Variants in ASPSCR1 observed in about 807,000 individuals in gnomAD.
ASPSCR1 encodes the protein ASPSCR1 tether for SLC2A4, UBX domain containing.
ASPSCR1 carries 55 observed loss-of-function variants against 68.9 expected under a neutral mutation model. That is an observed-to-expected ratio of 0.80 (90% CI 0.64 to 1.00). ASPSCR1 has a LOEUF of 1.00. ASPSCR1 is among the 50% of genes least tolerant of loss of function. ASPSCR1 has a pLI of 0.00. For missense variants in ASPSCR1, 765 were observed against 762.2 expected, an observed-to-expected ratio of 1.00 and a Z score of -0.04; for synonymous variants, 352 against 332.6, an observed-to-expected ratio of 1.06 and a Z score of -0.63.
At chr17:82,008,434 A>AC (rs1338628816) in intron 7 of ASPSCR1, 1 of 152,260 alleles carries the variant, frequency 6.6e-6, no homozygotes, top group Non-Finnish European at 1.5e-5. Context: ...TGTCCCACGT[A>AC]CCCCAGCACT....
intron 7 of ASPSCR1, among the ~76,000 whole-genome samples, chr17:82,003,669 G>A (rs988122125): frequency 6.6e-6 from 1 of 152,252 alleles, no homozygotes; most frequent in Non-Finnish European, 1.5e-5. Flanking sequence ...TAAAATTTGG[G>A]CATGGAGTTT....
At chr17:82,014,957 T>G in intron 12 of ASPSCR1, 351 of 1,229,658 alleles carry the variant, frequency 2.9e-4, no homozygotes, top group Non-Finnish European at 3.3e-4. Context: ...AGGGGCAGCC[T>G]GAGACATCCT....
intron 12 of ASPSCR1, chr17:82,014,393 C>G (rs1037834885): frequency 1.3e-5 from 2 of 153,242 alleles, no homozygotes; most frequent in African/African-American, 4.8e-5. Context: ...CTCCTGCAGC[C>G]CCCACTCCCG....
intron 4 of ASPSCR1, among the ~76,000 whole-genome samples, chr17:81,993,253 G>A (rs1351406672): frequency 6.6e-6 from 1 of 151,936 alleles, no homozygotes; most frequent in Non-Finnish European, 1.5e-5. Flanking sequence ...TCGCTCTGTC[G>A]CCCAGGCTGG....
chr17:81,979,126 A>G, intron 1 of ASPSCR1, 58 bp from the exon 2 acceptor site: 2 of 1,588,522 alleles, frequency 1.3e-6, no homozygotes, highest in Admixed American at 3.3e-5. Context: ...GACCTGGCCC[A>G]CTGCGCCCGC....
rs2042465942 is a variant in ASPSCR1, at chr17:81,999,710, T to C, written c.933+2864T>C. Among the ~76,000 whole-genome samples the C allele has an allele frequency of 6.6e-6, 1 of 151,636 alleles. No homozygotes were observed. ...CCGGCCTCGGCTGTCCCCTGGGCACTCGTGCTACGTGTCCCGGAACTCAGG... is the reference window on the plus strand; with the variant it reads ...CCGGCCTCGGCTGTCCCCTGGGCACCCGTGCTACGTGTCCCGGAACTCAGG... On this transcript the variant is annotated intron_variant, in intron 7 of 15. Coordinates refer to ENST00000306739, the MANE Select transcript of ASPSCR1 (RefSeq NM_024083.4). This position sits in a 1 kb window ranked among gnomAD's most constrained non-coding sequence, Gnocchi z 4.4.
chr17:81,983,173 G>T lies in ASPSCR1; in HGVS notation c.159-381G>T, dbSNP rs563334890. Among the ~76,000 whole-genome samples the T allele has an allele frequency of 6.6e-6, 1 of 152,202 alleles. No homozygotes were observed. Among genetic ancestry groups the T allele is most frequent in the African/African-American group, 2.4e-5 (1 of 41,456 alleles). On this transcript the variant is annotated intron_variant, in intron 2 of 15. Transcript: ENST00000306739. The surrounding 1 kb of genome is among the most constrained non-coding windows in gnomAD (Gnocchi z 4.4). Reference sequence around the variant, plus strand: ...CAGGTTTTCTGTGGTGGCTCCAGCCGTGACGGCCGGGGTCTGTGACACTCC... The same window carrying T: ...CAGGTTTTCTGTGGTGGCTCCAGCCTTGACGGCCGGGGTCTGTGACACTCC...
chr17:81,990,973 A>C lies in ASPSCR1; in HGVS notation c.375-3848A>C, dbSNP rs566308172. On this transcript the variant is annotated intron_variant, in intron 4 of 15. Coordinates refer to ENST00000306739, the MANE Select transcript of ASPSCR1 (RefSeq NM_024083.4). This position sits in a 1 kb window ranked among gnomAD's most constrained non-coding sequence, Gnocchi z 4.1. ...ACGTCCCGTAAGGACCTAGTTGCCA[A>C]GTGGTGAAAGGCAGGGGTGTGGATG... Among the ~76,000 whole-genome samples, 5 of 152,162 alleles carry C rather than the reference A, an allele frequency of 3.3e-5. No individual in the cohort carries two copies. The highest frequency in any genetic ancestry group is 1.2e-4 in the African/African-American group (5 of 41,516).
intron 4 of ASPSCR1, among the ~76,000 whole-genome samples, chr17:81,993,435 G>C (rs567174391): frequency 2.6e-5 from 4 of 152,218 alleles, no homozygotes; most frequent in African/African-American, 4.8e-5. Flanking sequence ...GGATGGTCTC[G>C]ATCTCCTGAC....
intron 10 of ASPSCR1, 144 bp from the exon 11 acceptor site, chr17:82,011,399 C>T: frequency 3.8e-6 from 3 of 795,350 alleles, no homozygotes; most frequent in South Asian, 1.8e-5. Flanking sequence ...CGCCGAGCAC[C>T]TGGAGTGCTG....
At chr17:82,014,640 G>C (rs191065718) in intron 12 of ASPSCR1, 1 of 184,116 alleles carries the variant, frequency 5.4e-6, no homozygotes, top group Admixed American at 5.4e-5. Context: ...AGCTGCAAGG[G>C]CTCCTCTCTT....
intron 7 of ASPSCR1, among the ~76,000 whole-genome samples, chr17:82,001,928 G>A (rs866418592): frequency 2.6e-5 from 4 of 152,054 alleles, no homozygotes; most frequent in Non-Finnish European, 5.9e-5. Flanking sequence ...AGCTCCAGAC[G>A]GGCTCATGGT....
chr17:81,998,180 A>G (rs548589437), intron 7 of ASPSCR1, among the ~76,000 whole-genome samples: 1 of 152,286 alleles, frequency 6.6e-6, no homozygotes, highest in South Asian at 2.1e-4. Context: ...TCTGTTGCCC[A>G]GGCTGGTCTC....
intron 7 of ASPSCR1, among the ~76,000 whole-genome samples, chr17:82,004,145 C>T (rs1456045817): frequency 2.0e-5 from 3 of 152,248 alleles, no homozygotes; most frequent in Non-Finnish European, 2.9e-5. Context: ...GTGTCCCGGC[C>T]TGTGTGCATG....
chr17:82,009,685 G>T (rs1220761784), intron 9 of ASPSCR1, 118 bp downstream of exon 9: 10 of 777,588 alleles, frequency 1.3e-5, no homozygotes, highest in Non-Finnish European at 2.0e-5. Context: ...TGTGAGGTCT[G>T]TGGACAGGAC....
chr17:81,981,622 G>A (rs1385834475), intron 2 of ASPSCR1, among the ~76,000 whole-genome samples: 1 of 152,116 alleles, frequency 6.6e-6, no homozygotes, highest in Non-Finnish European at 1.5e-5. Context: ...CAGGTGATCT[G>A]CCCGCCTTGG....
intron 8 of ASPSCR1, 97 bp downstream of exon 8, chr17:82,009,288 C>G: frequency 2.7e-6 from 4 of 1,459,952 alleles, no homozygotes; most frequent in Non-Finnish European, 2.7e-6. Context: ...GCACTGGCTC[C>G]CGGCCCAGGT....
At chr17:81,994,953 C>T (rs780398862) in intron 5 of ASPSCR1, 75 bp downstream of exon 5, 49 of 1,459,414 alleles carry the variant, frequency 3.4e-5, no homozygotes, top group East Asian at 7.2e-5. Flanking sequence ...TCTGCTGTCC[C>T]GCAGCCGTCT....
intron 1 of ASPSCR1, chr17:81,978,416 C>G (rs1000840768): frequency 2.0e-5 from 3 of 151,846 alleles, no homozygotes; most frequent in African/African-American, 7.3e-5. Context: ...GTCCCAGCTA[C>G]TCGGGAGGCT....
Sources: gnomAD v4.1 joint callset for allele counts (sites outside exome capture counted in the v4.1 genomes callset) on GRCh38, gnomAD v4.1.1 for gene constraint, Gnocchi (gnomAD v3.1) non-coding constraint, MANE v1.5 for transcripts, NCBI Gene and HGNC (gene_info 2026-07-23, HGNC 2026-07-21) for gene names.